Variants in CDH12 observed in about 807,000 individuals in gnomAD.
CDH12 encodes the protein cadherin-12.
CDH12 carries 41 observed loss-of-function variants against 74.1 expected under a neutral mutation model. That is an observed-to-expected ratio of 0.55 (90% confidence interval 0.43 to 0.72). CDH12 has a LOEUF of 0.72. CDH12 is among the 30% of genes least tolerant of loss of function. The probability of loss-of-function intolerance (pLI) is 0.00; values close to 1 mark genes in which losing one functional copy is unlikely to be tolerated. For missense variants in CDH12, 945 were observed against 977.2 expected (o/e 0.97, Z 0.44); for synonymous variants, 399 against 355.0 (o/e 1.12, Z -1.39).
intron 1 of CDH12, among the ~76,000 whole-genome samples, chr5:22,785,754 G>T (rs545208051): frequency 1.4e-4 from 22 of 152,048 alleles, no homozygotes; most frequent in Non-Finnish European, 2.6e-4. Context: ...CTGACCCCAA[G>T]AAATCTACTC....
chr5:22,144,399 T>C (rs1259717164), intron 4 of CDH12, among the ~76,000 whole-genome samples: 1 of 152,174 alleles, frequency 6.6e-6, no homozygotes, highest in Non-Finnish European at 1.5e-5. Flanking sequence ...GCTTAAACCA[T>C]TTTAATTAAT....
intron 5 of CDH12, among the ~76,000 whole-genome samples, chr5:22,035,730 A>ACACACACACACACACT (rs1235013494): frequency 6.6e-6 from 1 of 151,624 alleles, no homozygotes; most frequent in African/African-American, 2.4e-5. Context: ...ACACACACAC[A>ACACACACACACACACT]CACACACACA....
At chr5:22,826,018 C>G (rs944713168) in intron 1 of CDH12, among the ~76,000 whole-genome samples, 6 of 152,128 alleles carry the variant, frequency 3.9e-5, no homozygotes, top group Non-Finnish European at 8.8e-5. Flanking sequence ...AATCTCATTT[C>G]CATTGGCCAG....
intron 5 of CDH12, among the ~76,000 whole-genome samples, chr5:22,044,122 A>C (rs1580161300): frequency 6.6e-6 from 1 of 152,338 alleles, no homozygotes; most frequent in East Asian, 1.9e-4. Context: ...AATTCTAAAA[A>C]GCTAAAGCAA....
intron 3 of CDH12, among the ~76,000 whole-genome samples, chr5:22,314,968 T>TAGAGACGGGG (rs1738556617): frequency 1.2e-5 from 1 of 84,794 alleles, no homozygotes; most frequent in African/African-American, 4.4e-5. Context: ...TTTTTTTTTT[T>TAGAGACGGGG]TTTGAGATGG....
At chr5:22,754,763 T>A (rs1454712109) in intron 1 of CDH12, among the ~76,000 whole-genome samples, 4 of 152,142 alleles carry the variant, frequency 2.6e-5, no homozygotes, top group African/African-American at 9.7e-5. Context: ...TTTTTTGAGA[T>A]AATTCTGCCA....
At chr5:21,947,112 GAGGCCT>G (rs1450440849) in intron 6 of CDH12, among the ~76,000 whole-genome samples, 2 of 152,158 alleles carry the variant, frequency 1.3e-5, no homozygotes, top group Non-Finnish European at 2.9e-5. Flanking sequence ...TAAGTTTTCT[GAGGCCT>G]CTCCAGCCAT....
At chr5:21,935,690 A>AC (rs1215354186) in intron 6 of CDH12, among the ~76,000 whole-genome samples, 1 of 152,160 alleles carries the variant, frequency 6.6e-6, no homozygotes, top group Non-Finnish European at 1.5e-5. Flanking sequence ...GGTCTTATTC[A>AC]TTCTTTCTAA....
chr5:21,766,454 T>C (rs1266063494), intron 11 of CDH12, among the ~76,000 whole-genome samples: 2 of 151,942 alleles, frequency 1.3e-5, no homozygotes, highest in African/African-American at 4.8e-5. Flanking sequence ...ATAGAAACTG[T>C]TTGGCCCGGT....
intron 8 of CDH12, among the ~76,000 whole-genome samples, chr5:21,836,905 T>C (rs1278942999): frequency 6.6e-6 from 1 of 152,012 alleles, no homozygotes; most frequent in Non-Finnish European, 1.5e-5. Flanking sequence ...TAATATGGCA[T>C]GTATCATTTC....
At chr5:22,541,398 T>G (rs750215270) in intron 1 of CDH12, among the ~76,000 whole-genome samples, 2 of 152,150 alleles carry the variant, frequency 1.3e-5, no homozygotes, top group Admixed American at 6.5e-5. Context: ...ATAGACACCA[T>G]TTTATAATTT....
chr5:22,514,366 T>C (rs1736724626), intron 1 of CDH12, among the ~76,000 whole-genome samples: 1 of 152,114 alleles, frequency 6.6e-6, no homozygotes, highest in Non-Finnish European at 1.5e-5. Context: ...AGAGATGTTC[T>C]AAAATGTGCA....
At chr5:22,687,885 C>T (rs1323888192) in intron 1 of CDH12, among the ~76,000 whole-genome samples, 1 of 151,954 alleles carries the variant, frequency 6.6e-6, no homozygotes, top group Non-Finnish European at 1.5e-5. Context: ...ACAGCAAATA[C>T]AGAAGGAGGT....
intron 5 of CDH12, among the ~76,000 whole-genome samples, chr5:22,016,202 T>C (rs564636358): frequency 6.6e-6 from 1 of 152,210 alleles, no homozygotes; most frequent in Non-Finnish European, 1.5e-5. Flanking sequence ...CTGTAGAGTA[T>C]GATCTTTCTA....
At chr5:22,621,214 G>A (rs183424995) in intron 1 of CDH12, among the ~76,000 whole-genome samples, 4 of 152,164 alleles carry the variant, frequency 2.6e-5, no homozygotes, top group East Asian at 1.9e-4. Context: ...TAGCACCTTT[G>A]CCCTTAGACT....
intron 4 of CDH12, among the ~76,000 whole-genome samples, chr5:22,173,991 T>C (rs1749194835): frequency 6.6e-6 from 1 of 151,986 alleles, no homozygotes; most frequent in Non-Finnish European, 1.5e-5. Flanking sequence ...GAATTACTAG[T>C]ATTCTGTGAA....
At chr5:22,680,354 C>G (rs1055716294) in intron 1 of CDH12, among the ~76,000 whole-genome samples, 5 of 151,802 alleles carry the variant, frequency 3.3e-5, no homozygotes, top group South Asian at 2.1e-4. Context: ...CAAAAGAAAC[C>G]CTGTTGCTAT....
chr5:22,426,190 A>G (rs999110584), intron 2 of CDH12, among the ~76,000 whole-genome samples: 1 of 79,594 alleles, frequency 1.3e-5, no homozygotes, highest in Non-Finnish European at 2.6e-5. Context: ...CATCTCAAAA[A>G]AAAGAAAAAA....
At chr5:22,077,721 C>T (rs1561086557) in intron 5 of CDH12, among the ~76,000 whole-genome samples, 1 of 151,764 alleles carries the variant, frequency 6.6e-6, no homozygotes, top group Non-Finnish European at 1.5e-5. Flanking sequence ...AGCAGTAAAA[C>T]ATAACTGTCC....
Sources: gnomAD v4.1 joint callset for allele counts (sites outside exome capture counted in the v4.1 genomes callset) on GRCh38, gnomAD v4.1.1 for gene constraint, MANE v1.5 for transcripts, NCBI Gene and HGNC (gene_info 2026-07-23, HGNC 2026-07-21) for gene names.